SLMAP: variants seen among roughly 807,000 people sequenced by gnomAD.
SLMAP encodes the protein sarcolemmal membrane-associated protein.
Under a neutral mutation model 128.8 loss-of-function variants are expected in SLMAP, and 44 were observed. That is an observed-to-expected ratio of 0.34 (90% CI 0.27 to 0.44). SLMAP has a LOEUF of 0.44. Among genes scored for constraint, SLMAP ranks in the 20% least tolerant of loss-of-function variants. SLMAP has a pLI of 1.00. For synonymous variants in SLMAP, 327 were observed against 348.8 expected, an observed-to-expected ratio of 0.94 and a Z score of 0.70; for missense variants, 787 against 985.3, an observed-to-expected ratio of 0.80 and a Z score of 2.69.
At chr3:57,836,548 G>A (rs1237482252) in intron 3 of SLMAP, among the ~76,000 whole-genome samples, 1 of 152,042 alleles carries the variant, frequency 6.6e-6, no homozygotes, top group African/African-American at 2.4e-5. Flanking sequence ...GTGTTACCCA[G>A]GCTGGTCTCG....
At chr3:57,792,841 C>CA (rs1306420782) in intron 2 of SLMAP, among the ~76,000 whole-genome samples, 2 of 152,144 alleles carry the variant, frequency 1.3e-5, no homozygotes, top group South Asian at 2.1e-4. Flanking sequence ...AGGCTGAACT[C>CA]AAACTCCTGG....
In SLMAP at chr3:57,861,932, G is replaced by T. The variant is rs2153600590; in HGVS notation, c.829-17G>T. ...TACACTTATTCTAATTAAATTGCCT[G>T]TAAACTTGAATCGCAGCGAAGTCTG... On this transcript the variant is annotated splice_polypyrimidine_tract_variant and intron_variant, in intron 9 of 24. Transcript: ENST00000671191. 6.2e-7 allele frequency: 1 copy of T among 1,604,332 alleles called. No individual in the cohort carries two copies. Among genetic ancestry groups the T allele is most frequent in the Non-Finnish European group, 8.5e-7 (1 of 1,173,132 alleles).
At chr3:57,775,207 C>G (rs1156936642) in intron 2 of SLMAP, among the ~76,000 whole-genome samples, 1 of 151,894 alleles carries the variant, frequency 6.6e-6, no homozygotes, top group African/African-American at 2.4e-5. Flanking sequence ...GCGCCCACCA[C>G]TGCCCCCGGC....
intron 13 of SLMAP, among the ~76,000 whole-genome samples, chr3:57,866,189 C>G (rs2095297323): frequency 1.3e-5 from 2 of 151,972 alleles, no homozygotes; most frequent in Admixed American, 6.6e-5. Flanking sequence ...GGAGGGTCAG[C>G]TGAGCCCAGG....
chr3:57,757,648 C>T lies in SLMAP; in HGVS notation c.-4C>T, dbSNP rs770254131. 1 of 1,613,884 alleles carries T rather than the reference C, an allele frequency of 6.2e-7. No individual in the cohort carries two copies. Among genetic ancestry groups the T allele is most frequent in the East Asian group, 2.2e-5 (1 of 44,858 alleles). ...GTAGGAGAGACACCCCCAGTCTATC[C>T]TCGATGCCGTCAGCCTTGGCCATCT... On this transcript the variant is annotated 5_prime_UTR_variant, in exon 2 of 25. Transcript: ENST00000671191.
rs529218326 is a variant in SLMAP, at chr3:57,912,619, A to T, written c.1938A>T (p.Glu646Asp). The change falls in exon 20 of 25, where the codon GAA becomes GAT. Residue 646 changes from glutamate (E) to aspartate (D), a missense_variant. By Grantham distance (45) the Glu-to-Asp change is conservative (BLOSUM62 2). Around this residue, in one of 2 missense-constraint regions of SLMAP, gnomAD observed 715 missense variants for 843.6 expected, o/e 0.85. Coordinates refer to ENST00000671191, the MANE Select transcript of SLMAP (RefSeq NM_001377540.1). ...WRKAASEYEK[E>D]ITSLQNSFQL... ...AAGCAGCGTCTGAATATGAGAAAGA[A>T]ATCACAAGTCTGCAAAACAGTTTTC... 1 of 1,614,186 alleles carries T rather than the reference A, an allele frequency of 6.2e-7. No homozygotes were observed. The highest frequency in any genetic ancestry group is 1.3e-5 in the African/African-American group (1 of 75,078).
At chr3:57,767,692 G>C (rs7634631) in intron 2 of SLMAP, among the ~76,000 whole-genome samples, 96,453 of 151,978 alleles carry the variant, frequency 0.63, 31,223 homozygotes, top group East Asian at 0.98. Flanking sequence ...AGTCTGGCTC[G>C]CTTTTGTCCA....
At chr3:57,783,228 G>A (rs1183748159) in intron 2 of SLMAP, among the ~76,000 whole-genome samples, 1 of 152,130 alleles carries the variant, frequency 6.6e-6, no homozygotes, top group Non-Finnish European at 1.5e-5. Context: ...AAGGGGAAAC[G>A]TGTATCAAAA....
intron 22 of SLMAP, 172 bp downstream of exon 22, chr3:57,917,249 A>T: frequency 6.8e-7 from 1 of 1,461,832 alleles, no homozygotes; most frequent in Non-Finnish European, 9.1e-7. Flanking sequence ...CATGGTCCAT[A>T]TGTAGAGAAT....
chr3:57,892,372 TTAATCTC>T (rs891218630), intron 15 of SLMAP, among the ~76,000 whole-genome samples: 1 of 152,168 alleles, frequency 6.6e-6, no homozygotes, highest in African/African-American at 2.4e-5. Context: ...TGCTTTCTGT[TTAATCTC>T]TAACTCAACT....
intron 14 of SLMAP, among the ~76,000 whole-genome samples, chr3:57,876,073 T>G (rs2095597459): frequency 6.6e-6 from 1 of 152,232 alleles, no homozygotes; most frequent in South Asian, 2.1e-4. Flanking sequence ...TTGTTTCCAG[T>G]CTTTTAAAAA....
At chr3:57,908,369 C>CTATA (rs1311518321) in intron 18 of SLMAP, among the ~76,000 whole-genome samples, 2 of 152,202 alleles carry the variant, frequency 1.3e-5, no homozygotes, top group Non-Finnish European at 2.9e-5. Context: ...GCTCACTTAT[C>CTATA]TATAGGTCAT....
chr3:57,887,192 A>C (rs2095913227), intron 14 of SLMAP, among the ~76,000 whole-genome samples: 1 of 152,184 alleles, frequency 6.6e-6, no homozygotes, highest in South Asian at 2.1e-4. Flanking sequence ...TCATATAGTC[A>C]TAATAAGCTA....
intron 2 of SLMAP, among the ~76,000 whole-genome samples, chr3:57,820,148 C>A (rs773158987): frequency 1.3e-5 from 2 of 152,078 alleles, no homozygotes; most frequent in Admixed American, 1.3e-4. Context: ...TGAGGAAAAT[C>A]ATGAAGTGTA....
intron 15 of SLMAP, among the ~76,000 whole-genome samples, chr3:57,893,458 A>AT (rs966009836): frequency 6.7e-6 from 1 of 149,496 alleles, no homozygotes; most frequent in Non-Finnish European, 1.5e-5. Context: ...AAAAAAAAAA[A>AT]CAGGCAATCT....
At chr3:57,884,288 C>T (rs1441197360) in intron 14 of SLMAP, among the ~76,000 whole-genome samples, 2 of 152,094 alleles carry the variant, frequency 1.3e-5, no homozygotes. Flanking sequence ...TTCAGAAAGA[C>T]TGAAGGTTTG....
chr3:57,886,534 A>G (rs924205907), intron 14 of SLMAP, among the ~76,000 whole-genome samples: 3 of 151,970 alleles, frequency 2.0e-5, no homozygotes, highest in African/African-American at 7.2e-5. Context: ...AAGATTGAGG[A>G]GAAGGTAGAG....
intron 6 of SLMAP, 31 bp downstream of exon 6, chr3:57,849,847 C>T: frequency 8.1e-7 from 1 of 1,229,574 alleles, no homozygotes; most frequent in Non-Finnish European, 1.2e-6. Flanking sequence ...TTCTTAAAAG[C>T]AGAATTTCTT....
intron 2 of SLMAP, among the ~76,000 whole-genome samples, chr3:57,774,661 A>G (rs185310612): frequency 2.6e-4 from 40 of 152,012 alleles, no homozygotes; most frequent in Admixed American, 1.2e-3. Flanking sequence ...TGTAGCGGGC[A>G]TTACAGGCAT....
Sources: gnomAD v4.1 joint callset for allele counts (sites outside exome capture counted in the v4.1 genomes callset) on GRCh38, gnomAD v4.1.1 for gene constraint, gnomAD v4.1.1 regional missense constraint, MANE v1.5 for transcripts, NCBI Gene and HGNC (gene_info 2026-07-23, HGNC 2026-07-21) for gene names.